NUGGC: variants seen among roughly 807,000 people sequenced by gnomAD.
The protein encoded by NUGGC is nuclear GTPase, germinal center associated.
In NUGGC, 58 loss-of-function variants were observed where a neutral mutation model predicts 92.6. The observed-to-expected ratio is 0.63, with a 90% CI of 0.51 to 0.78. NUGGC has a LOEUF of 0.78. Among genes scored for constraint, NUGGC ranks in the 30% least tolerant of loss-of-function variants. The pLI, the probability that NUGGC is intolerant of heterozygous loss-of-function variation, is 0.00. For synonymous variants in NUGGC, 376 were observed against 366.4 expected, an observed-to-expected ratio of 1.03 and a Z score of -0.30; for missense variants, 925 against 964.6, an observed-to-expected ratio of 0.96 and a Z score of 0.54.
chr8:28,035,551 G>T (rs1440657844), intron 13 of NUGGC, among the ~76,000 whole-genome samples: 2 of 152,144 alleles, frequency 1.3e-5, no homozygotes, highest in African/African-American at 4.8e-5. Flanking sequence ...GCACACAGTG[G>T]CTCAATTTCA....
At chr8:28,051,728 G>GCCTGA (rs1246846026) in intron 10 of NUGGC, among the ~76,000 whole-genome samples, 5 of 152,140 alleles carry the variant, frequency 3.3e-5, no homozygotes, top group African/African-American at 1.2e-4. Context: ...TTTGAGACCA[G>GCCTGA]CCTGACCAGC....
intron 7 of NUGGC, 104 bp downstream of exon 7, chr8:28,064,418 A>G (rs1035650182): frequency 2.1e-6 from 2 of 963,522 alleles, no homozygotes; most frequent in Non-Finnish European, 3.2e-6. Flanking sequence ...TTTAATTCCA[A>G]TGAACTCAAA....
chr8:28,059,725 C>T (rs1183010999), intron 8 of NUGGC, among the ~76,000 whole-genome samples: 4 of 152,064 alleles, frequency 2.6e-5, no homozygotes, highest in Non-Finnish European at 4.4e-5. Context: ...CCTGAAACAT[C>T]AAAGCTGTAC....
intron 9 of NUGGC, 52 bp downstream of exon 9, chr8:28,058,202 AAAAT>A (rs1810198532): frequency 3.1e-6 from 1 of 318,146 alleles, no homozygotes; most frequent in Non-Finnish European, 5.6e-6. Context: ...AAAAAAATAA[AAAAT>A]AAATAGATAA....
At chr8:28,070,383 A>C in intron 2 of NUGGC, 27 bp from the exon 3 acceptor site, 2 of 1,221,144 alleles carry the variant, frequency 1.6e-6, no homozygotes, top group Non-Finnish European at 2.4e-6. Flanking sequence ...GATATATAAG[A>C]TTATAGGTGT....
At chr8:28,023,485 C>T in intron 18 of NUGGC, 23 bp from the exon 19 acceptor site, 5 of 1,601,184 alleles carry the variant, frequency 3.1e-6, no homozygotes, top group Non-Finnish European at 4.3e-6. Context: ...AGAAAGCTCA[C>T]ATCAGGACTT....
At chr8:28,049,143 C>CT (rs1435948214) in intron 10 of NUGGC, among the ~76,000 whole-genome samples, 4 of 152,124 alleles carry the variant, frequency 2.6e-5, no homozygotes, top group Non-Finnish European at 5.9e-5. Flanking sequence ...GCCTTGCAGT[C>CT]CACTGGGACT....
rs570244698 is a variant in NUGGC, at chr8:28,068,099, G to C, written c.480+117C>G. On this transcript the variant is annotated intron_variant, in intron 5 of 18. Coordinates refer to ENST00000413272, the MANE Select transcript of NUGGC (RefSeq NM_001010906.2). ...AGGAAGAGAAGGAAGAAGGAAAGAA[G>C]GGAGAGAGGGAGGGAAGAGGAAGGA... The C allele has an allele frequency of 6.3e-5, 40 of 635,860 alleles. No homozygotes were observed. In the South Asian group the frequency reaches 8.0e-4, roughly 13 times the overall value. The allele number at this position is 635,860 out of a possible 1,614,324, so 39.4% of individuals were successfully genotyped here.
chr8:28,027,759 C>T (rs1227763098), intron 17 of NUGGC, among the ~76,000 whole-genome samples: 4 of 152,170 alleles, frequency 2.6e-5, no homozygotes, highest in African/African-American at 9.7e-5. Flanking sequence ...AACTCAAGGC[C>T]TCTAGGTTCC....
At chr8:28,030,058 C>T (rs4732803) in intron 16 of NUGGC, among the ~76,000 whole-genome samples, 28,382 of 152,038 alleles carry the variant, frequency 0.19, 3,155 homozygotes, top group East Asian at 0.37. Flanking sequence ...GATTCTACAG[C>T]TAAATCAGCT....
At chr8:28,033,427 T>A (rs966428442) in intron 14 of NUGGC, 113 bp downstream of exon 14, 1 of 1,042,256 alleles carries the variant, frequency 9.6e-7, no homozygotes, top group African/African-American at 1.6e-5. Flanking sequence ...GGTTTCCTTC[T>A]CCAGTTACAA....
At chr8:28,039,658 T>C (rs1397702597) in intron 13 of NUGGC, among the ~76,000 whole-genome samples, 1 of 152,108 alleles carries the variant, frequency 6.6e-6, no homozygotes, top group Non-Finnish European at 1.5e-5. Context: ...AACCACCCCA[T>C]CACACTCACC....
chr8:28,023,797 C>A (rs1809180509), intron 18 of NUGGC, among the ~76,000 whole-genome samples: 1 of 152,146 alleles, frequency 6.6e-6, no homozygotes, highest in Non-Finnish European at 1.5e-5. Flanking sequence ...CTTCCCCCCA[C>A]CCCAATCCCT....
Position 28,067,611 on chromosome 8 carries a change from C to T in NUGGC, c.614G>A (p.Gly205Glu), listed in dbSNP as rs746998692. The part of the protein sequence containing the change: ...EATWKLQMIY[G>E]NGAESKNYEE... ...ATAGTTCTTACTCTCTGCCCCATTT[C>T]CATAAATCATTTGTAGCTTCCAGGT... is the stretch of plus-strand genomic sequence containing the variant. Residue 205 changes from glycine to glutamate, a missense_variant, in exon 6 of 19, where the codon GGA (glycine) becomes GAA (glutamate). Gly to Glu is a moderately conservative substitution (Grantham distance 98). Transcript: ENST00000413272. The T allele has an allele frequency of 3.9e-5, 63 of 1,613,894 alleles. No individual in the cohort carries two copies. Among genetic ancestry groups the T allele is most frequent in the Non-Finnish European group, 5.2e-5 (61 of 1,179,876 alleles).
intron 6 of NUGGC, 36 bp from the exon 7 acceptor site, chr8:28,064,767 T>C (rs758795133): frequency 6.4e-7 from 1 of 1,574,034 alleles, no homozygotes; most frequent in Non-Finnish European, 8.7e-7. Flanking sequence ...ACACCAGCCA[T>C]GCACCCAGCT....
chr8:28,074,492 G>A (rs560705519), intron 1 of NUGGC, 36 bp from the exon 2 acceptor site: 59 of 1,462,168 alleles, frequency 4.0e-5, no homozygotes, highest in Admixed American at 5.4e-5. Context: ...GTGGGGCAGC[G>A]GAATTTGAAA....
rs78354755 is a variant in NUGGC at position 28,042,109 on chromosome 8, C to T, written c.1447-894G>A. Reference sequence around the variant, plus strand: ...AAAACATGCCACCATGTAAGACATGCCTTTTGCCCACAATGATTGTGAGGC... The same window carrying T: ...AAAACATGCCACCATGTAAGACATGTCTTTTGCCCACAATGATTGTGAGGC... On this transcript the variant is annotated intron_variant, in intron 12 of 18. Coordinates refer to ENST00000413272, the MANE Select transcript of NUGGC (RefSeq NM_001010906.2). 3.6e-3 allele frequency among the ~76,000 whole-genome samples: 554 copies of T among 152,238 alleles called. 5 individuals are homozygous for T. The highest frequency in any genetic ancestry group is 0.012 in the African/African-American group (510 of 41,530).
intron 12 of NUGGC, among the ~76,000 whole-genome samples, chr8:28,044,145 G>A (rs1186400274): frequency 6.6e-6 from 1 of 152,078 alleles, no homozygotes; most frequent in Non-Finnish European, 1.5e-5. Context: ...CCACCCCACA[G>A]GGTCATCATT....
intron 9 of NUGGC, among the ~76,000 whole-genome samples, chr8:28,057,343 T>TC (rs1171119353): frequency 1.3e-5 from 2 of 150,460 alleles, no homozygotes; most frequent in East Asian, 3.9e-4. Context: ...TTTTTTTTTT[T>TC]TTTTTGTTGT....
Sources: allele counts gnomAD v4.1 joint callset (sites outside exome capture counted in the v4.1 genomes callset), GRCh38; gene constraint gnomAD v4.1.1; transcripts MANE v1.5; gene names NCBI Gene and HGNC (gene_info 2026-07-23, HGNC 2026-07-21).